LYPD1: variants seen among roughly 807,000 people sequenced by gnomAD.
The protein encoded by LYPD1 is LY6/PLAUR domain containing 1, also known as ly6/PLAUR domain-containing protein 1.
Under a neutral mutation model 14.2 loss-of-function variants are expected in LYPD1, and 14 were observed. That is an observed-to-expected ratio of 0.99 (90% CI 0.65 to 1.54). The LOEUF is 1.54. Among genes scored for constraint, LYPD1 ranks in the 40% most tolerant of loss-of-function variants. The pLI is 0.00. For synonymous variants in LYPD1, 85 were observed against 70.6 expected, an observed-to-expected ratio of 1.20 and a Z score of -1.02; for missense variants, 165 against 175.7, an observed-to-expected ratio of 0.94 and a Z score of 0.34.
At chr2:132,670,224 G>T (rs1013282814), upstream of LYPD1, 10 of 876,278 alleles carry the variant, frequency 1.1e-5, no homozygotes, top group Non-Finnish European at 1.4e-5. The surrounding 1 kb of genome is among the most constrained non-coding windows in gnomAD (Gnocchi z 4.5). Context: ...GCGATCGGGA[G>T]CACCCACAAA....
rs1681912681 is a variant in LYPD1, at chr2:132,643,642, A to G, written c.*2403T>C. 6.6e-6 allele frequency among the ~76,000 whole-genome samples: 1 copy of G among 152,168 alleles called. No individual in the cohort carries two copies. Among genetic ancestry groups the G allele is most frequent in the African/African-American group, 2.4e-5 (1 of 41,434 alleles). On this transcript the variant is annotated 3_prime_UTR_variant, in exon 3 of 3. Transcript: ENST00000397463. Reference sequence around the variant, plus strand: ...GATCCTCCCGCCTCAGCCCCCAAAAAGTATCTGAGACCACAGGTGTGTATG... The same window carrying G: ...GATCCTCCCGCCTCAGCCCCCAAAAGGTATCTGAGACCACAGGTGTGTATG...
chr2:132,659,887 T>C (rs2104916110), intron 2 of LYPD1, among the ~76,000 whole-genome samples: 1 of 152,358 alleles, frequency 6.6e-6, no homozygotes, highest in South Asian at 2.1e-4. Flanking sequence ...AGTGGTTTGC[T>C]ACATTTTGCA....
In LYPD1 at chr2:132,645,732, G is replaced by T; in HGVS notation, c.*313C>A. On this transcript the variant is annotated 3_prime_UTR_variant, in exon 3 of 3. Coordinates refer to ENST00000397463, the MANE Select transcript of LYPD1 (RefSeq NM_144586.7). Reference sequence around the variant, plus strand: ...ATGGACACTGGAGGCTTTACAAAAGGCAGATGCCCACCTCAGTGACTTCTA... The same window carrying T: ...ATGGACACTGGAGGCTTTACAAAAGTCAGATGCCCACCTCAGTGACTTCTA... 1 of 1,317,228 alleles carries T rather than the reference G, an allele frequency of 7.6e-7. No individual in the cohort carries two copies. Among genetic ancestry groups the T allele is most frequent in the Non-Finnish European group, 1.0e-6 (1 of 974,324 alleles). The allele number at this position is 1,317,228 out of a possible 1,614,324, so 81.6% of individuals were successfully genotyped here.
Position 132,645,675 on chromosome 2 carries a change from C to T in LYPD1, c.*370G>A. 6.5e-7 allele frequency: 1 copy of T among 1,533,276 alleles called. No homozygotes were observed. The highest frequency in any genetic ancestry group is 8.8e-7 in the Non-Finnish European group (1 of 1,141,042). The allele number at this position is 1,533,276 out of a possible 1,614,324, so 95.0% of individuals were successfully genotyped here. ...CTAAGAAAACGTCACTCTCACTCTG[C>T]AGTCTCAAACTATGCCCCCATCAGG... On this transcript the variant is annotated 3_prime_UTR_variant, in exon 3 of 3. Coordinates refer to ENST00000397463, the MANE Select transcript of LYPD1 (RefSeq NM_144586.7).
chr2:132,646,957 AAAAAGCTTCCC>A (rs1013725193), intron 2 of LYPD1, among the ~76,000 whole-genome samples: 5 of 152,076 alleles, frequency 3.3e-5, no homozygotes, highest in Admixed American at 6.5e-5. Flanking sequence ...TGGGTGCAAA[AAAAAGCTTCCC>A]AAGAAGACTA....
At chr2:132,649,533 C>T (rs1393988108) in intron 2 of LYPD1, among the ~76,000 whole-genome samples, 2 of 152,172 alleles carry the variant, frequency 1.3e-5, no homozygotes, top group Non-Finnish European at 2.9e-5. Flanking sequence ...ATGCTGAGAG[C>T]TGCCCTGTAA....
intron 2 of LYPD1, among the ~76,000 whole-genome samples, chr2:132,648,365 G>A (rs150211868): frequency 8.5e-4 from 129 of 152,320 alleles, no homozygotes; most frequent in African/African-American, 3.0e-3. Context: ...CAGGCCCTCC[G>A]CCGTGTTCCC....
intron 2 of LYPD1, among the ~76,000 whole-genome samples, 190 bp downstream of exon 2, chr2:132,668,210 T>C (rs1683393468): frequency 9.0e-6 from 1 of 111,018 alleles, no homozygotes; most frequent in South Asian, 2.8e-4. Context: ...GAAGCCTTGG[T>C]AATTAACTCT....
chr2:132,663,460 A>T (rs933815110), intron 2 of LYPD1, among the ~76,000 whole-genome samples: 1 of 151,978 alleles, frequency 6.6e-6, no homozygotes, highest in Non-Finnish European at 1.5e-5. Context: ...TTTTTAGTAG[A>T]GATGGAGTTT....
intron 2 of LYPD1, among the ~76,000 whole-genome samples, chr2:132,650,367 G>A (rs1682309058): frequency 6.6e-6 from 1 of 152,184 alleles, no homozygotes; most frequent in Admixed American, 6.5e-5. Flanking sequence ...GGTTAGGAGA[G>A]TAAATAGGTA....
rs372984166 is a variant in LYPD1 at position 132,669,900 on chromosome 2, G to T, written c.33C>A (p.Cys11Ter). 2 of 1,612,802 alleles carry T rather than the reference G, an allele frequency of 1.2e-6. No individual in the cohort carries two copies. The highest frequency in any genetic ancestry group is 1.1e-5 in the South Asian group (1 of 91,012). MWVLGIAATF[C>*]GLFLLPGFAL... Reference sequence around the variant, plus strand: ...TCTCACCTGGAAGCAAGAACAATCCGCAAAAAGTTGCCGCGATGCCTAGGA... The same window carrying T: ...TCTCACCTGGAAGCAAGAACAATCCTCAAAAAGTTGCCGCGATGCCTAGGA... The change falls in exon 1 of 3, where the codon TGC becomes TGA. Residue 11 changes from cysteine (C) to a stop codon, truncating the protein, a stop_gained. Coordinates refer to ENST00000397463, the MANE Select transcript of LYPD1 (RefSeq NM_144586.7). LOFTEE classifies it high-confidence loss of function. This position sits in a 1 kb window ranked among gnomAD's most constrained non-coding sequence, Gnocchi z 4.3.
At chr2:132,656,237 T>A (rs915501442) in intron 2 of LYPD1, among the ~76,000 whole-genome samples, 4 of 152,214 alleles carry the variant, frequency 2.6e-5, no homozygotes, top group African/African-American at 9.6e-5. Flanking sequence ...CCTTTAATAG[T>A]CCATTACTTT....
rs376036521 is a variant in LYPD1 at position 132,669,970 on chromosome 2, T to C, written c.-38A>G. On this transcript the variant is annotated 5_prime_UTR_variant, in exon 1 of 3. It removes an upstream start codon present in the reference 5' UTR. Coordinates refer to ENST00000397463, the MANE Select transcript of LYPD1 (RefSeq NM_144586.7). The surrounding 1 kb of genome is among the most constrained non-coding windows in gnomAD (Gnocchi z 4.3). ...CCGGGGCCGGGAGAGGGCAAGCGCA[T>C]CAGAGGAGGCGACAGCAGCGGAGGC... The C allele has an allele frequency of 1.9e-6, 3 of 1,607,546 alleles. No homozygotes were observed. The highest frequency in any genetic ancestry group is 1.7e-6 in the Non-Finnish European group (2 of 1,178,426).
chr2:132,644,632 A>G lies in LYPD1; in HGVS notation c.*1413T>C, dbSNP rs188519681. Reference sequence around the variant, plus strand: ...TTGTTGCCAAAGGGACACTTCTTCCATTTGATTTAAAAATATCACTAGGTC... The same window carrying G: ...TTGTTGCCAAAGGGACACTTCTTCCGTTTGATTTAAAAATATCACTAGGTC... On this transcript the variant is annotated 3_prime_UTR_variant, in exon 3 of 3. Transcript: ENST00000397463. Among the ~76,000 whole-genome samples, 14 of 152,340 alleles carry G rather than the reference A, an allele frequency of 9.2e-5. No homozygotes were observed. Among genetic ancestry groups the G allele is most frequent in the African/African-American group, 3.1e-4 (13 of 41,574 alleles).
intron 2 of LYPD1, among the ~76,000 whole-genome samples, chr2:132,662,147 A>G (rs1419317073): frequency 6.6e-6 from 1 of 152,174 alleles, no homozygotes; most frequent in Admixed American, 6.5e-5. Flanking sequence ...AGAAATATAG[A>G]AACAGTGTAC....
chr2:132,652,809 G>T (rs1423192715), intron 2 of LYPD1, among the ~76,000 whole-genome samples: 3 of 152,190 alleles, frequency 2.0e-5, no homozygotes, highest in African/African-American at 7.2e-5. Flanking sequence ...ATTGAGATGG[G>T]TGGCTATGCG....
intron 2 of LYPD1, among the ~76,000 whole-genome samples, chr2:132,652,645 AC>A (rs1682401506): frequency 6.6e-6 from 1 of 152,154 alleles, no homozygotes; most frequent in Non-Finnish European, 1.5e-5. Context: ...TCCTGCCAAG[AC>A]CAAGTCATTT....
Position 132,644,817 on chromosome 2 carries a change from TTTTTTTAAAA to T in LYPD1, c.*1218_*1227del. On this transcript the variant is annotated 3_prime_UTR_variant, in exon 3 of 3. Transcript: ENST00000397463. Reference sequence around the variant, plus strand: ...ACGCAAACAAACACCAATGAAAACATTTTTTTAAAATTAACAGACATCAACTGGTATAAAT... The same window carrying T: ...ACGCAAACAAACACCAATGAAAACATTTAACAGACATCAACTGGTATAAAT... 1 of 384,782 alleles carries T rather than the reference TTTTTTTAAAA, an allele frequency of 2.6e-6. No homozygotes were observed. Among genetic ancestry groups the T allele is most frequent in the Non-Finnish European group, 4.6e-6 (1 of 216,650 alleles). 23.8% of individuals were successfully genotyped at this position (384,782 alleles called of 1,614,324 possible).
intron 2 of LYPD1, among the ~76,000 whole-genome samples, chr2:132,646,833 C>T (rs185640735): frequency 1.3e-4 from 20 of 152,310 alleles, no homozygotes; most frequent in African/African-American, 4.3e-4. Context: ...TGAAGGGGCA[C>T]CTGGCTGACC....
Sources: allele counts gnomAD v4.1 joint callset (sites outside exome capture counted in the v4.1 genomes callset), GRCh38; gene constraint gnomAD v4.1.1; non-coding constraint Gnocchi (gnomAD v3.1); transcripts MANE v1.5; gene names NCBI Gene and HGNC (gene_info 2026-07-23, HGNC 2026-07-21).